IQCN: variants seen among roughly 807,000 people sequenced by gnomAD.
IQCN encodes the protein IQ motif containing N.
A neutral mutation model predicts 64.4 loss-of-function variants in IQCN; 46 were observed. The observed-to-expected ratio is 0.71, with a 90% CI of 0.56 to 0.91. The LOEUF is 0.91. Among genes scored for constraint, IQCN ranks in the 40% least tolerant of loss-of-function variants. The pLI is 0.00. For missense variants in IQCN, 1,753 were observed against 1,857.4 expected (o/e 0.94, Z 1.03); for synonymous variants, 733 against 775.6 (o/e 0.95, Z 0.91).
At chr19:18,270,130 A>C (rs1969703656) in intron 1 of IQCN, among the ~76,000 whole-genome samples, 1 of 146,628 alleles carries the variant, frequency 6.8e-6, no homozygotes, top group Non-Finnish European at 1.5e-5. Context: ...GAGGCCGAGG[A>C]GGGTGGATCA....
At chr19:18,262,223 G>A (rs1244166665) in intron 3 of IQCN, 1 of 153,172 alleles carries the variant, frequency 6.5e-6, no homozygotes, top group Non-Finnish European at 1.5e-5. Context: ...GCTGATATGG[G>A]TGGGCTGGGC....
intron 3 of IQCN, chr19:18,258,552 G>A (rs1969364470): frequency 2.5e-6 from 1 of 403,516 alleles, no homozygotes; most frequent in Non-Finnish European, 5.0e-6. Flanking sequence ...ATTGGGGACA[G>A]CTTCTGTCTG....
chr19:18,265,347 G>A lies in IQCN; in HGVS notation c.2193C>T (p.Ser731=). The change falls in exon 3 of 4, where the codon TCC becomes TCT. Residue 731 remains serine, a synonymous_variant. Transcript: ENST00000392413. The surrounding 1 kb of genome is among the most constrained non-coding windows in gnomAD (Gnocchi z 4.7). The stretch of plus-strand genomic sequence containing the variant: ...TCAGACAGGTGGCTAGAGGCGCTTG[G>A]GACTGGACCTTCACGGCACCTGTGG... The part of the protein sequence containing the change: ...HLATGAVKVQ[S]QAPLATCLTK... 6.2e-7 allele frequency: 1 copy of A among 1,614,174 alleles called. No homozygotes were observed. Among genetic ancestry groups the A allele is most frequent in the Non-Finnish European group, 8.5e-7 (1 of 1,180,020 alleles).
chr19:18,265,767 C>G lies in IQCN; in HGVS notation c.1773G>C (p.Gly591=), dbSNP rs534708679. The G allele has an allele frequency of 6.2e-7, 1 of 1,614,020 alleles. No homozygotes were observed. The highest frequency in any genetic ancestry group is 1.7e-5 in the Admixed American group (1 of 60,002). The change falls in exon 3 of 4, where the codon GGG becomes GGC. Residue 591 remains glycine, a synonymous_variant. Coordinates refer to ENST00000392413, the MANE Select transcript of IQCN (RefSeq NM_001145304.2). The surrounding 1 kb of genome is among the most constrained non-coding windows in gnomAD (Gnocchi z 4.7). The part of the protein sequence containing the change: ...RCLAQPHPGT[G]VPRAAAELPL... The stretch of plus-strand genomic sequence containing the variant: ...GAAGCTCAGCTGCAGCCCTGGGGAC[C>G]CCAGTTCCCGGATGTGGTTGAGCCA...
rs775924013 is a variant in IQCN at position 18,264,662 on chromosome 19, G to C, written c.2878C>G (p.Arg960Gly). ...TGCATGACCTTGGTGAGTTCCGCCC[G>C]CAGCTCGCCCCGGGACAGGGCTCGG... ...LSRALSRGEL[R>G]AELTKVMQGK... is the part of the protein sequence containing the mutation. The change falls in exon 3 of 4, where the codon CGG (arginine) becomes GGG (glycine). Residue 960 changes from arginine (R) to glycine (G), a missense_variant. Arg to Gly is a moderately radical substitution (Grantham distance 125). Transcript: ENST00000392413. The surrounding 1 kb of genome is among the most constrained non-coding windows in gnomAD (Gnocchi z 4.3). 1 of 1,551,138 alleles carries C rather than the reference G, an allele frequency of 6.4e-7. No individual in the cohort carries two copies. The highest frequency in any genetic ancestry group is 1.4e-5 in the African/African-American group (1 of 73,012).
chr19:18,259,788 T>C (rs186482768), intron 3 of IQCN: 2 of 152,458 alleles, frequency 1.3e-5, no homozygotes, highest in East Asian at 3.9e-4. Flanking sequence ...AAGATTAGAC[T>C]GAGTCACGGC....
rs1969599336 is a variant in IQCN, at chr19:18,266,750, T to C, written c.790A>G (p.Arg264Gly). 1 of 1,614,162 alleles carries C rather than the reference T, an allele frequency of 6.2e-7. No homozygotes were observed. The highest frequency in any genetic ancestry group is 1.1e-5 in the South Asian group (1 of 91,082). ...ACGAGGCAGGTGCTTCTGATGGTTC[T>C]GGTCAGCAGGCATGGCTGGCATTTT... is the stretch of plus-strand genomic sequence containing the variant. ...DAKCQPCLLT[R>G]TIRSTCLVHI... The change falls in exon 3 of 4, where the codon AGA becomes GGA. Residue 264 changes from arginine (R) to glycine (G), a missense_variant. Arg to Gly is a moderately radical substitution (Grantham distance 125). Coordinates refer to ENST00000392413, the MANE Select transcript of IQCN (RefSeq NM_001145304.2). This position sits in a 1 kb window ranked among gnomAD's most constrained non-coding sequence, Gnocchi z 4.3.
chr19:18,268,820 G>A (rs780895303), intron 2 of IQCN, among the ~76,000 whole-genome samples: 13 of 152,054 alleles, frequency 8.5e-5, no homozygotes, highest in East Asian at 1.9e-4. Context: ...AAATTAGCTC[G>A]GCATGGTGGC....
Position 18,267,332 on chromosome 19 carries a change from C to G in IQCN, c.208G>C (p.Ala70Pro). The G allele has an allele frequency of 6.2e-7, 1 of 1,614,136 alleles. No homozygotes were observed. Among genetic ancestry groups the G allele is most frequent in the Non-Finnish European group, 8.5e-7 (1 of 1,180,004 alleles). ...KSKEHLPQQPAEGKTASRRVP... is the reference protein window; with the variant it reads ...KSKEHLPQQPPEGKTASRRVP... ...CGGCGGGACGCCGTCTTGCCTTCGGCAGGCTGTTGCGGAAGATGCTCCTTG... is the reference window on the plus strand; with the variant it reads ...CGGCGGGACGCCGTCTTGCCTTCGGGAGGCTGTTGCGGAAGATGCTCCTTG... Residue 70 changes from alanine (A) to proline (P), a missense_variant, in exon 3 of 4, where the codon GCC (alanine) becomes CCC (proline). Ala to Pro is a conservative substitution (Grantham distance 27). Coordinates refer to ENST00000392413, the MANE Select transcript of IQCN (RefSeq NM_001145304.2).
intron 1 of IQCN, 45 bp downstream of exon 1, chr19:18,274,358 C>T (rs1969806547): frequency 6.5e-6 from 1 of 152,860 alleles, no homozygotes; most frequent in Non-Finnish European, 1.5e-5. Context: ...CCCCTGAAGC[C>T]ACCAGCCCCA....
rs758586438 is a variant in IQCN, at chr19:18,267,118, T to C, written c.422A>G (p.Asn141Ser). The C allele has an allele frequency of 1.1e-5, 17 of 1,614,142 alleles. No individual in the cohort carries two copies. Among genetic ancestry groups the C allele is most frequent in the African/African-American group, 4.0e-5 (3 of 74,956 alleles). ...GCTGGAGTGAAGGATGTGTCTCTTG[T>C]TGAAGCGCCGCCAGGCCTCCTGGAT... ...KAIQEAWRRF[N>S]KRHILHSSKS... Residue 141 changes from asparagine (N) to serine (S), a missense_variant, in exon 3 of 4, where the codon AAC becomes AGC. Transcript: ENST00000392413.
At chr19:18,268,376 T>TC (rs1969654795) in intron 2 of IQCN, among the ~76,000 whole-genome samples, 1 of 152,026 alleles carries the variant, frequency 6.6e-6, no homozygotes, top group South Asian at 2.1e-4. Flanking sequence ...GGGGGCATCT[T>TC]GACTGATAAA....
intron 2 of IQCN, 138 bp downstream of exon 2, chr19:18,269,324 GAAGT>G: frequency 1.3e-6 from 1 of 784,382 alleles, no homozygotes. Flanking sequence ...GTGGCTTTCA[GAAGT>G]AACTAGGATG....
chr19:18,263,618 C>T (rs578221492), intron 3 of IQCN, among the ~76,000 whole-genome samples: 41 of 152,126 alleles, frequency 2.7e-4, no homozygotes, highest in African/African-American at 9.4e-4. Context: ...CCCTAGTACC[C>T]GGGGGGGCCT....
In IQCN at chr19:18,269,568, T is replaced by C; in HGVS notation, c.-90A>G. ...CCTTCAGCCTTTCATCCATGCAATA[T>C]GCAGCAACACTGCCCTGGGCTGGCT... On this transcript the variant is annotated 5_prime_UTR_variant, in exon 2 of 4. Coordinates refer to ENST00000392413, the MANE Select transcript of IQCN (RefSeq NM_001145304.2). 2 of 1,344,262 alleles carry C rather than the reference T, an allele frequency of 1.5e-6. No homozygotes were observed. The highest frequency in any genetic ancestry group is 1.2e-5 in the South Asian group (1 of 84,518). 83.3% of individuals were successfully genotyped at this position (1,344,262 alleles called of 1,614,324 possible).
rs1256969348 is a variant in IQCN at position 18,265,809 on chromosome 19, C to G, written c.1731G>C (p.Glu577Asp). 1.9e-6 allele frequency: 3 copies of G among 1,614,228 alleles called. No homozygotes were observed. The East Asian group carries it at 6.7e-5, about 36-fold the overall frequency. ...GTTGAGCCAGGCACCTGATCTTCCC[C>G]TCAGCCAAATAGGAGGGGGATGAGG... ...VKASSPSYLA[E>D]GKIRCLAQPH... Residue 577 changes from glutamate (E) to aspartate (D), a missense_variant, in exon 3 of 4, where the codon GAG becomes GAC. Physicochemically the swap from Glu to Asp is conservative, Grantham distance 45 (BLOSUM62 2). Transcript: ENST00000392413. This position sits in a 1 kb window ranked among gnomAD's most constrained non-coding sequence, Gnocchi z 4.7.
chr19:18,272,024 A>G (rs1969743791), intron 1 of IQCN, among the ~76,000 whole-genome samples: 3 of 151,694 alleles, frequency 2.0e-5, no homozygotes, highest in Admixed American at 6.6e-5. Flanking sequence ...ACGGGGTTTC[A>G]CCATGTTGGC....
intron 2 of IQCN, among the ~76,000 whole-genome samples, chr19:18,268,137 C>G (rs917227643): frequency 6.6e-6 from 1 of 150,394 alleles, no homozygotes; most frequent in African/African-American, 2.5e-5. Flanking sequence ...CTGGGTTTAG[C>G]ACTGATCACA....
Position 18,273,405 on chromosome 19 carries a change from T to C in IQCN, c.-110+998A>G, listed in dbSNP as rs976837116. Among the ~76,000 whole-genome samples the C allele has an allele frequency of 2.6e-5, 4 of 152,106 alleles. No homozygotes were observed. The East Asian group carries it at 5.8e-4, about 22-fold the overall frequency. ...CAGGCTGGAGTGCAATGGCGCCATC[T>C]TGGCTCACTGCAACCTCTGCCTCCA... On this transcript the variant is annotated intron_variant, in intron 1 of 3. Coordinates refer to ENST00000392413, the MANE Select transcript of IQCN (RefSeq NM_001145304.2).
Sources: gnomAD v4.1 joint callset for allele counts (sites outside exome capture counted in the v4.1 genomes callset) on GRCh38, gnomAD v4.1.1 for gene constraint, Gnocchi (gnomAD v3.1) non-coding constraint, MANE v1.5 for transcripts, NCBI Gene and HGNC (gene_info 2026-07-23, HGNC 2026-07-21) for gene names.